Variants in CLDN10 observed in about 807,000 individuals in gnomAD.
The protein encoded by CLDN10 is claudin-10.
In CLDN10, 15 loss-of-function variants were observed where a neutral mutation model predicts 22.9. That is an observed-to-expected ratio of 0.65 (90% confidence interval 0.44 to 1.01). The LOEUF is 1.01. CLDN10 is among the 50% of genes least tolerant of loss of function. The pLI is 0.00. For synonymous variants in CLDN10, 114 were observed against 111.4 expected, an observed-to-expected ratio of 1.02 and a Z score of -0.15; for missense variants, 247 against 287.8, an observed-to-expected ratio of 0.86 and a Z score of 1.03.
At chr13:95,520,032 A>G (rs928163080) in intron 1 of CLDN10, among the ~76,000 whole-genome samples, 2 of 152,174 alleles carry the variant, frequency 1.3e-5, no homozygotes, top group African/African-American at 4.8e-5. Context: ...GTGTGTGTGC[A>G]CGTGCGTACG....
intron 1 of CLDN10, among the ~76,000 whole-genome samples, chr13:95,531,109 G>A (rs553959916): frequency 7.9e-5 from 12 of 151,730 alleles, no homozygotes; most frequent in South Asian, 4.2e-4. Flanking sequence ...TAGTAAAGAC[G>A]GGGTTTCACC....
At chr13:95,453,950 C>G (rs1391058364) in intron 1 of CLDN10, among the ~76,000 whole-genome samples, 1 of 151,458 alleles carries the variant, frequency 6.6e-6, no homozygotes, top group Non-Finnish European at 1.5e-5. Flanking sequence ...ATCTCATTCC[C>G]CTATGCTGGC....
chr13:95,542,637 T>A (rs1038410434), intron 1 of CLDN10, among the ~76,000 whole-genome samples: 2 of 151,908 alleles, frequency 1.3e-5, no homozygotes, highest in African/African-American at 4.8e-5. Flanking sequence ...TGAAACCCCA[T>A]CTGTACTAAA....
chr13:95,500,595 C>G (rs1255982497), intron 1 of CLDN10, among the ~76,000 whole-genome samples: 1 of 152,172 alleles, frequency 6.6e-6, no homozygotes, highest in East Asian at 1.9e-4. Flanking sequence ...GGGAGGAGGT[C>G]TCTGGCAAGT....
intron 3 of CLDN10, among the ~76,000 whole-genome samples, chr13:95,568,559 G>A (rs138904326): frequency 6.6e-6 from 1 of 152,152 alleles, no homozygotes; most frequent in East Asian, 1.9e-4. Context: ...CTGCATTTTG[G>A]GTGGGGTGTC....
intron 1 of CLDN10, among the ~76,000 whole-genome samples, chr13:95,540,409 G>T (rs1051525382): frequency 6.6e-6 from 1 of 151,998 alleles, no homozygotes; most frequent in Non-Finnish European, 1.5e-5. Flanking sequence ...CAAGAGAATC[G>T]CTTGAGCCTG....
chr13:95,560,342 A>C, intron 2 of CLDN10, 40 bp from the exon 3 acceptor site: 1 of 1,613,500 alleles, frequency 6.2e-7, no homozygotes, highest in Non-Finnish European at 8.5e-7. Flanking sequence ...TGTTAATGAA[A>C]TCACACTAAC....
At chr13:95,512,272 TTTTG>T (rs1470447676) in intron 1 of CLDN10, among the ~76,000 whole-genome samples, 25 of 147,682 alleles carry the variant, frequency 1.7e-4, no homozygotes, top group African/African-American at 5.0e-4. Flanking sequence ...TTTTTTTGGT[TTTTG>T]TTTGTTTGTG....
At chr13:95,536,670 G>C (rs2043403630) in intron 1 of CLDN10, among the ~76,000 whole-genome samples, 1 of 152,172 alleles carries the variant, frequency 6.6e-6, no homozygotes, top group Non-Finnish European at 1.5e-5. Flanking sequence ...TCTATGCGTT[G>C]CAGTTACAAA....
At chr13:95,516,393 C>T (rs1159032225) in intron 1 of CLDN10, among the ~76,000 whole-genome samples, 1 of 151,986 alleles carries the variant, frequency 6.6e-6, no homozygotes, top group Non-Finnish European at 1.5e-5. Flanking sequence ...CCACAGAGAC[C>T]GAGCAGCATA....
chr13:95,446,142 C>T lies in CLDN10; in HGVS notation c.214+12095C>T, dbSNP rs375888274. ...GAAGAAGTCATTTCTATCAGAGTTG[C>T]TCCGCAATGGGACAGGCTGTCTCAC... On this transcript the variant is annotated intron_variant, in intron 1 of 4. Coordinates refer to the CLDN10 transcript ENST00000376873. 1.5e-4 allele frequency among the ~76,000 whole-genome samples: 23 copies of T among 152,272 alleles called. No individual in the cohort carries two copies. The East Asian group carries it at 3.5e-3, about 23-fold the overall frequency.
intron 1 of CLDN10, among the ~76,000 whole-genome samples, chr13:95,493,793 C>T (rs965340509): frequency 6.6e-6 from 1 of 152,096 alleles, no homozygotes; most frequent in African/African-American, 2.4e-5. Flanking sequence ...CTTCTGGCCT[C>T]AAGTATTCAG....
At chr13:95,570,005 G>A (rs2043834815) in intron 3 of CLDN10, among the ~76,000 whole-genome samples, 1 of 152,160 alleles carries the variant, frequency 6.6e-6, no homozygotes, top group African/African-American at 2.4e-5. Context: ...CCTAATGTCA[G>A]ATTCACTTTT....
At chr13:95,434,418 C>A (rs1240307957) in intron 1 of CLDN10, among the ~76,000 whole-genome samples, 2 of 136,108 alleles carry the variant, frequency 1.5e-5, no homozygotes, top group African/African-American at 6.3e-5. Flanking sequence ...CTTGTCTCTC[C>A]CTCTCTTCCT....
intron 3 of CLDN10, among the ~76,000 whole-genome samples, chr13:95,569,913 C>A (rs752115007): frequency 6.6e-6 from 1 of 152,050 alleles, no homozygotes; most frequent in African/African-American, 2.4e-5. Context: ...GGACTACAGG[C>A]GCCCGCCACC....
At chr13:95,570,858 G>GTGTGTATATATATATA (rs60359070) in intron 3 of CLDN10, among the ~76,000 whole-genome samples, 222 of 119,680 alleles carry the variant, frequency 1.9e-3, no homozygotes, top group Middle Eastern at 5.0e-3. Flanking sequence ...ATATACGTGT[G>GTGTGTATATATATATA]TATATATATA....
At position 95,472,669 on chromosome 13, in the gene CLDN10, C is replaced by CAA. The variant is rs35872345; in HGVS notation, c.214+38638_214+38639dup. Among the ~76,000 whole-genome samples, 270 of 106,262 alleles carry CAA rather than the reference C, an allele frequency of 2.5e-3. 3 individuals are homozygous for CAA. Among genetic ancestry groups the CAA allele is most frequent in the Non-Finnish European group, 4.0e-3 (204 of 51,642 alleles). The allele number at this position is 106,262 out of a possible 152,430, so 69.7% of individuals were successfully genotyped here. ...TGGGCAACAGAGCGAGACTCCGTCT[C>CAA]AAAAAAAAAAAAAAAAATAGAGTGG... On this transcript the variant is annotated intron_variant, in intron 1 of 4. Coordinates refer to the CLDN10 transcript ENST00000376873.
intron 3 of CLDN10, among the ~76,000 whole-genome samples, chr13:95,567,306 G>T (rs1441390554): frequency 6.6e-6 from 1 of 152,140 alleles, no homozygotes; most frequent in African/African-American, 2.4e-5. Context: ...TTGAGCAGTG[G>T]TTTGTAGTTC....
At chr13:95,503,491 A>C (rs1309154673) in intron 1 of CLDN10, among the ~76,000 whole-genome samples, 1 of 152,228 alleles carries the variant, frequency 6.6e-6, no homozygotes, top group Non-Finnish European at 1.5e-5. Context: ...GCTTCTGGTT[A>C]AATACTCAAA....
Sources: allele counts gnomAD v4.1 joint callset (sites outside exome capture counted in the v4.1 genomes callset), GRCh38; gene constraint gnomAD v4.1.1; transcripts MANE v1.5; gene names NCBI Gene and HGNC (gene_info 2026-07-23, HGNC 2026-07-21).